Variants in ARHGAP15 observed in about 807,000 individuals in gnomAD.
ARHGAP15 encodes Rho GTPase activating protein 15.
Under a neutral mutation model 63.7 loss-of-function variants are expected in ARHGAP15, and 51 were observed. That is an observed-to-expected ratio of 0.80 (90% CI 0.64 to 1.01). The LOEUF (loss-of-function observed/expected upper bound fraction) is 1.01, where lower values mean the gene tolerates loss of function less well. Ranked by LOEUF, ARHGAP15 falls within the 50% of genes least tolerant of loss-of-function variation. The pLI is 0.00. For synonymous variants in ARHGAP15, 191 were observed against 193.8 expected, an observed-to-expected ratio of 0.99 and a Z score of 0.12; for missense variants, 560 against 564.6, an observed-to-expected ratio of 0.99 and a Z score of 0.08.
At chr2:143,581,939 T>C (rs1559063330) in intron 11 of ARHGAP15, among the ~76,000 whole-genome samples, 1 of 152,202 alleles carries the variant, frequency 6.6e-6, no homozygotes, top group Non-Finnish European at 1.5e-5. Context: ...TTTTCCTGAA[T>C]GACATTATCT....
chr2:143,188,645 T>TGG (rs1691543445), intron 2 of ARHGAP15, among the ~76,000 whole-genome samples: 1 of 145,028 alleles, frequency 6.9e-6, no homozygotes, highest in African/African-American at 2.5e-5. Flanking sequence ...ATTATTATTA[T>TGG]TATTATTATT....
At chr2:143,591,766 C>G (rs1205656426) in intron 11 of ARHGAP15, among the ~76,000 whole-genome samples, 2 of 151,768 alleles carry the variant, frequency 1.3e-5, no homozygotes, top group African/African-American at 4.8e-5. Flanking sequence ...ATTACAGGTG[C>G]CTGCCGCCAT....
chr2:143,250,817 C>T (rs1049379866), intron 6 of ARHGAP15, among the ~76,000 whole-genome samples: 5 of 151,882 alleles, frequency 3.3e-5, no homozygotes, highest in East Asian at 1.9e-4. Context: ...GTATGTTGCA[C>T]GTTGATTAAT....
intron 6 of ARHGAP15, among the ~76,000 whole-genome samples, chr2:143,384,407 A>G (rs777188639): frequency 2.0e-5 from 3 of 152,110 alleles, no homozygotes; most frequent in Non-Finnish European, 4.4e-5. Flanking sequence ...TAAGGTTTTC[A>G]TACCTTCTTT....
intron 8 of ARHGAP15, among the ~76,000 whole-genome samples, chr2:143,457,015 AAAC>A (rs1454402507): frequency 5.9e-5 from 9 of 152,088 alleles, no homozygotes; most frequent in African/African-American, 1.9e-4. Flanking sequence ...TAAAAAGTAA[AAAC>A]AAAATCTCGA....
chr2:143,508,592 G>A (rs573532728), intron 9 of ARHGAP15, among the ~76,000 whole-genome samples: 11 of 152,262 alleles, frequency 7.2e-5, no homozygotes, highest in Middle Eastern at 3.4e-3. Flanking sequence ...TCTCTATGCC[G>A]TTGTGATTCT....
intron 11 of ARHGAP15, among the ~76,000 whole-genome samples, chr2:143,572,384 T>C (rs1014230519): frequency 6.6e-6 from 1 of 152,264 alleles, no homozygotes; most frequent in African/African-American, 2.4e-5. Context: ...TCATACTCTA[T>C]GCACACAGCC....
intron 6 of ARHGAP15, among the ~76,000 whole-genome samples, chr2:143,334,447 C>A (rs891994590): frequency 1.3e-5 from 2 of 152,052 alleles, no homozygotes; most frequent in African/African-American, 4.8e-5. Flanking sequence ...ACATATGTGT[C>A]CATTTTTTTC....
At chr2:143,455,771 T>C (rs554420812) in intron 8 of ARHGAP15, among the ~76,000 whole-genome samples, 1 of 152,242 alleles carries the variant, frequency 6.6e-6, no homozygotes, top group African/African-American at 2.4e-5. Flanking sequence ...CTCTCATCTA[T>C]GGAGTATTAA....
At chr2:143,739,308 G>A (rs766265821) in intron 13 of ARHGAP15, among the ~76,000 whole-genome samples, 1 of 152,062 alleles carries the variant, frequency 6.6e-6, no homozygotes, top group Non-Finnish European at 1.5e-5. Context: ...CTAGATTCTG[G>A]TCCTCATGGG....
At chr2:143,196,933 G>T (rs77480335) in intron 2 of ARHGAP15, among the ~76,000 whole-genome samples, 1 of 151,844 alleles carries the variant, frequency 6.6e-6, no homozygotes, top group Non-Finnish European at 1.5e-5. Flanking sequence ...TCAAGCTACT[G>T]CTAATATTAT....
intron 9 of ARHGAP15, among the ~76,000 whole-genome samples, chr2:143,496,429 G>A (rs1692819532): frequency 1.3e-5 from 2 of 152,160 alleles, no homozygotes; most frequent in Non-Finnish European, 1.5e-5. Context: ...AGGGGAAAAA[G>A]AATGAGCCAG....
intron 1 of ARHGAP15, among the ~76,000 whole-genome samples, chr2:143,145,258 ATCTTTTGG>A (rs1689535019): frequency 6.6e-6 from 1 of 152,040 alleles, no homozygotes; most frequent in Non-Finnish European, 1.5e-5. Context: ...GAGTGATCTC[ATCTTTTGG>A]TCTGGGCTTG....
chr2:143,226,426 G>C (rs755578189), intron 4 of ARHGAP15, among the ~76,000 whole-genome samples: 1 of 152,166 alleles, frequency 6.6e-6, no homozygotes, highest in Non-Finnish European at 1.5e-5. Flanking sequence ...TGGATTCTTC[G>C]TGTGTGAGGG....
At chr2:143,202,045 T>C in intron 2 of ARHGAP15, 89 bp from the exon 3 acceptor site, 2 of 975,174 alleles carry the variant, frequency 2.1e-6, no homozygotes, top group Non-Finnish European at 3.3e-6. Context: ...CATGCTTGAA[T>C]AACACTGAAT....
At chr2:143,137,210 G>A (rs1689180284) in intron 1 of ARHGAP15, among the ~76,000 whole-genome samples, 1 of 151,920 alleles carries the variant, frequency 6.6e-6, no homozygotes, top group Non-Finnish European at 1.5e-5. Flanking sequence ...TCAGTGTTTA[G>A]TGGCTATTTT....
chr2:143,359,869 T>C (rs1685966371), intron 6 of ARHGAP15, among the ~76,000 whole-genome samples: 1 of 152,152 alleles, frequency 6.6e-6, no homozygotes, highest in Non-Finnish European at 1.5e-5. Flanking sequence ...AATTTTACTA[T>C]AGGGTGACAT....
chr2:143,333,728 A>G (rs978942858), intron 6 of ARHGAP15, among the ~76,000 whole-genome samples: 1 of 152,192 alleles, frequency 6.6e-6, no homozygotes, highest in Non-Finnish European at 1.5e-5. Flanking sequence ...GTTGCTTTGA[A>G]CAAACTGCTG....
intron 12 of ARHGAP15, among the ~76,000 whole-genome samples, chr2:143,678,092 A>G (rs1384658812): frequency 1.3e-5 from 2 of 152,104 alleles, no homozygotes; most frequent in Non-Finnish European, 2.9e-5. Flanking sequence ...CATGACTGTA[A>G]TCCAGCTACT....
Sources: gnomAD v4.1 joint callset for allele counts (sites outside exome capture counted in the v4.1 genomes callset) on GRCh38, gnomAD v4.1.1 for gene constraint, MANE v1.5 for transcripts, NCBI Gene and HGNC (gene_info 2026-07-23, HGNC 2026-07-21) for gene names.